Variants in ZNF804B observed in about 807,000 individuals in gnomAD.
The protein encoded by ZNF804B is zinc finger protein 804B, also known as zinc finger 804B.
In ZNF804B, 80 loss-of-function variants were observed where a neutral mutation model predicts 101.4. The observed-to-expected ratio is 0.79, with a 90% CI of 0.66 to 0.95. ZNF804B has a LOEUF of 0.95. Ranked by LOEUF, ZNF804B falls within the 40% of genes least tolerant of loss-of-function variation. ZNF804B has a pLI of 0.00. For missense variants in ZNF804B, 1,673 were observed against 1,561.9 expected (o/e 1.07, Z -1.20); for synonymous variants, 622 against 558.8 (o/e 1.11, Z -1.59).
intron 1 of ZNF804B, among the ~76,000 whole-genome samples, chr7:89,074,342 C>G (rs1295839714): frequency 6.6e-6 from 1 of 152,104 alleles, no homozygotes; most frequent in Non-Finnish European, 1.5e-5. Flanking sequence ...ATTATAAGTC[C>G]CACAATTCCC....
chr7:88,849,289 A>G (rs1791417575), intron 1 of ZNF804B, among the ~76,000 whole-genome samples: 1 of 152,096 alleles, frequency 6.6e-6, no homozygotes, highest in Non-Finnish European at 1.5e-5. Context: ...AGAGTATTCT[A>G]ATAAAGTTCA....
At chr7:89,296,320 T>G (rs1790383281) in intron 2 of ZNF804B, among the ~76,000 whole-genome samples, 1 of 152,130 alleles carries the variant, frequency 6.6e-6, no homozygotes, top group African/African-American at 2.4e-5. Flanking sequence ...ATATGTAATT[T>G]TAAAATAAAA....
intron 1 of ZNF804B, among the ~76,000 whole-genome samples, chr7:89,042,493 A>AT (rs958488941): frequency 3.9e-5 from 6 of 151,994 alleles, no homozygotes; most frequent in Non-Finnish European, 7.4e-5. Flanking sequence ...CAAATCTGAG[A>AT]TTTTTTTTCA....
Position 89,038,338 on chromosome 7 carries a change from T to C in ZNF804B, c.109-179817T>C, listed in dbSNP as rs1788960329. Among the ~76,000 whole-genome samples, 3 of 152,208 alleles carry C rather than the reference T, an allele frequency of 2.0e-5. No homozygotes were observed. The South Asian group carries it at 6.2e-4, about 31-fold the overall frequency. On this transcript the variant is annotated intron_variant, in intron 1 of 3. Transcript: ENST00000333190. ...TCCTTGCCAACACTTACTTTTTGTCTTTTTGATAAAAAACATCAAAACGAG... is the reference window on the plus strand; with the variant it reads ...TCCTTGCCAACACTTACTTTTTGTCCTTTTGATAAAAAACATCAAAACGAG...
At chr7:89,018,213 T>A (rs1422151747) in intron 1 of ZNF804B, among the ~76,000 whole-genome samples, 1 of 152,132 alleles carries the variant, frequency 6.6e-6, no homozygotes, top group Non-Finnish European at 1.5e-5. Flanking sequence ...TTGTTGAGAA[T>A]TTTTGTTATA....
At chr7:89,197,853 C>G (rs1209108311) in intron 1 of ZNF804B, among the ~76,000 whole-genome samples, 1 of 151,758 alleles carries the variant, frequency 6.6e-6, no homozygotes, top group African/African-American at 2.4e-5. Context: ...GTTTTGAATA[C>G]TGAAGAAATA....
chr7:89,265,306 G>GTGCA (rs1357074101), intron 2 of ZNF804B, among the ~76,000 whole-genome samples: 60 of 149,352 alleles, frequency 4.0e-4, no homozygotes, highest in African/African-American at 1.3e-3. Context: ...GCGTGCGCGC[G>GTGCA]CGCACACATG....
At chr7:89,003,011 G>T (rs1225422154) in intron 1 of ZNF804B, among the ~76,000 whole-genome samples, 1 of 147,268 alleles carries the variant, frequency 6.8e-6, no homozygotes, top group Non-Finnish European at 1.5e-5. Flanking sequence ...AATTACATTT[G>T]TTTTCACACA....
chr7:88,912,942 T>C (rs1489343106), intron 1 of ZNF804B, among the ~76,000 whole-genome samples: 1 of 151,934 alleles, frequency 6.6e-6, no homozygotes, highest in African/African-American at 2.4e-5. Flanking sequence ...AAGGAAAGAG[T>C]AGTATTTACA....
intron 1 of ZNF804B, among the ~76,000 whole-genome samples, chr7:88,770,023 A>G (rs998359200): frequency 3.3e-5 from 5 of 152,194 alleles, no homozygotes; most frequent in South Asian, 2.1e-4. Context: ...CTTAATCCAA[A>G]TAAACTTTTT....
chr7:89,097,793 C>G (rs1345060885), intron 1 of ZNF804B, among the ~76,000 whole-genome samples: 1 of 152,136 alleles, frequency 6.6e-6, no homozygotes, highest in Non-Finnish European at 1.5e-5. Flanking sequence ...GGAAAGCCCA[C>G]AAAGATGCAA....
chr7:89,066,352 A>G (rs898118501), intron 1 of ZNF804B, among the ~76,000 whole-genome samples: 1 of 152,066 alleles, frequency 6.6e-6, no homozygotes, highest in South Asian at 2.1e-4. Flanking sequence ...TTGATCCTGG[A>G]CCAAGGATCA....
In ZNF804B at chr7:88,873,342, T is replaced by G. The variant is rs142398346; in HGVS notation, c.108+113258T>G. On this transcript the variant is annotated intron_variant, in intron 1 of 3. Coordinates refer to ENST00000333190, the MANE Select transcript of ZNF804B (RefSeq NM_181646.5). ...GTTTGATTTTTCTTGTAAATTTGTT[T>G]GAGTTCATTGTAGATTCTTGATATT... Among the ~76,000 whole-genome samples the G allele has an allele frequency of 6.8e-4, 104 of 152,354 alleles. 2 individuals carry two copies. In the East Asian group the frequency reaches 0.019, roughly 28 times the overall value.
At chr7:89,286,730 G>A (rs1362320727) in intron 2 of ZNF804B, among the ~76,000 whole-genome samples, 1 of 152,154 alleles carries the variant, frequency 6.6e-6, no homozygotes, top group African/African-American at 2.4e-5. Flanking sequence ...TCTGTCTGAA[G>A]GGCTCTGATT....
intron 1 of ZNF804B, among the ~76,000 whole-genome samples, chr7:88,760,893 AT>A (rs1789884614): frequency 1.0e-5 from 1 of 99,980 alleles, no homozygotes; most frequent in African/African-American, 4.5e-5. Flanking sequence ...TTATATATAT[AT>A]ATAATAAATA....
intron 1 of ZNF804B, among the ~76,000 whole-genome samples, chr7:89,161,072 T>A (rs918770722): frequency 6.6e-6 from 1 of 152,190 alleles, no homozygotes; most frequent in Admixed American, 6.6e-5. Flanking sequence ...AGAGATTGCC[T>A]TGTGGTTAGG....
intron 1 of ZNF804B, among the ~76,000 whole-genome samples, chr7:89,089,309 G>C (rs749280593): frequency 3.3e-5 from 5 of 151,720 alleles, no homozygotes; most frequent in Non-Finnish European, 7.4e-5. Context: ...TGTTGTATTT[G>C]TTACCTAAAA....
chr7:89,264,238 C>T (rs1584091030), intron 2 of ZNF804B, among the ~76,000 whole-genome samples: 2 of 152,226 alleles, frequency 1.3e-5, no homozygotes, highest in East Asian at 1.9e-4. Context: ...TGAACAGAGC[C>T]AAGCCTCTTT....
chr7:89,079,828 C>T (rs2189057), intron 1 of ZNF804B, among the ~76,000 whole-genome samples: 44,698 of 151,688 alleles, frequency 0.29, 6,915 homozygotes, highest in East Asian at 0.52. Flanking sequence ...TGTCCAACAA[C>T]TCTGAGATGA....
Sources: gnomAD v4.1 joint callset for allele counts (sites outside exome capture counted in the v4.1 genomes callset) on GRCh38, gnomAD v4.1.1 for gene constraint, MANE v1.5 for transcripts, NCBI Gene and HGNC (gene_info 2026-07-23, HGNC 2026-07-21) for gene names.